The following DNAH14 variants were observed in gnomAD, a reference collection of about 807,000 sequenced individuals.
DNAH14 encodes the protein dynein axonemal heavy chain 14, also known as axonemal beta dynein heavy chain 14.
In DNAH14, 478 loss-of-function variants were observed where a neutral mutation model predicts 520.9. That is an observed-to-expected ratio of 0.92 (90% CI 0.85 to 0.99). DNAH14 has a LOEUF of 0.99. Among genes scored for constraint, DNAH14 ranks in the 50% least tolerant of loss-of-function variants. The pLI is 0.00. For missense variants in DNAH14, 4,831 were observed against 5,234.5 expected, an observed-to-expected ratio of 0.92 and a Z score of 2.38; for synonymous variants, 1,581 against 1,757.2, an observed-to-expected ratio of 0.90 and a Z score of 2.51.
At chr1:225,184,301 G>A (rs1271357987) in intron 36 of DNAH14, among the ~76,000 whole-genome samples, 1 of 149,960 alleles carries the variant, frequency 6.7e-6, no homozygotes, top group East Asian at 2.1e-4. Flanking sequence ...TAATGAATGT[G>A]ATTCACCACA....
intron 30 of DNAH14, among the ~76,000 whole-genome samples, chr1:225,145,731 C>T (rs1324899468): frequency 6.6e-6 from 1 of 152,090 alleles, no homozygotes; most frequent in Non-Finnish European, 1.5e-5. Flanking sequence ...TAAGTCCTAA[C>T]CCCATACATT....
chr1:225,165,315 T>G (rs900119555), intron 35 of DNAH14, among the ~76,000 whole-genome samples: 1 of 152,138 alleles, frequency 6.6e-6, no homozygotes, highest in Non-Finnish European at 1.5e-5. Flanking sequence ...GTTCATAATA[T>G]CACTATAAAT....
At chr1:225,335,563 C>CTATGTATATACGCATATGTGCATA (rs2094961959) in intron 66 of DNAH14, among the ~76,000 whole-genome samples, 1 of 47,582 alleles carries the variant, frequency 2.1e-5, no homozygotes, top group African/African-American at 1.7e-4. Context: ...ATATGTACAT[C>CTATGTATATACGCATATGTGCATA]TATGTATATA....
rs1323706354 is a variant in DNAH14, at chr1:225,147,083, ATC to A, written c.4795-17_4795-16del. The A allele has an allele frequency of 2.1e-6, 3 of 1,457,718 alleles. No homozygotes were observed. The highest frequency in any genetic ancestry group is 5.0e-5 in the East Asian group (2 of 40,216). The allele number at this position is 1,457,718 out of a possible 1,614,324, so 90.3% of individuals were successfully genotyped here. On this transcript the variant is annotated intron_variant, in intron 30 of 85. Transcript: ENST00000682510. ...ACCATTATAATAATTTTAGTAATCA[ATC>A]TCTTTTTTTTTTTAAAAGATAGTGA... is the stretch of plus-strand genomic sequence containing the variant.
intron 8 of DNAH14, among the ~76,000 whole-genome samples, chr1:224,979,341 C>T (rs1490316181): frequency 6.6e-6 from 1 of 152,124 alleles, no homozygotes; most frequent in Non-Finnish European, 1.5e-5. Flanking sequence ...GAGTGCAGTG[C>T]TTGTGGGACT....
In DNAH14 at chr1:225,080,699, A is replaced by G; in HGVS notation, c.3087A>G (p.Val1029=). The G allele has an allele frequency of 6.5e-7, 1 of 1,541,524 alleles. No individual in the cohort carries two copies. The highest frequency in any genetic ancestry group is 8.7e-7 in the Non-Finnish European group (1 of 1,143,176). ...SSLQSIDVES[V]QRNVSKLMHI... ...TTCAAAGTATTGATGTAGAATCAGT[A>G]CAGAGAAATGTTTCAAAACTGATGC... Residue 1029 remains valine, a synonymous_variant, in exon 19 of 86, where the codon GTA becomes GTG. Coordinates refer to ENST00000682510, the MANE Select transcript of DNAH14 (RefSeq NM_001367479.1).
intron 27 of DNAH14, among the ~76,000 whole-genome samples, chr1:225,130,242 A>G (rs1347180461): frequency 6.6e-6 from 1 of 152,194 alleles, no homozygotes; most frequent in African/African-American, 2.4e-5. Context: ...TAGTTCAATC[A>G]TTGTGGAAGT....
At position 225,119,126 on chromosome 1, in the gene DNAH14, G is replaced by A. The variant is rs551613993; in HGVS notation, c.4092-94G>A. ...CCTTTGGCCCATGAATATTATTAAAGTATGTAGAAAATTTAGTCTACAGGC... is the reference window on the plus strand; with the variant it reads ...CCTTTGGCCCATGAATATTATTAAAATATGTAGAAAATTTAGTCTACAGGC... On this transcript the variant is annotated intron_variant, in intron 25 of 85. Coordinates refer to ENST00000682510, the MANE Select transcript of DNAH14 (RefSeq NM_001367479.1). The A allele has an allele frequency of 9.2e-5, 80 of 866,304 alleles. No individual in the cohort carries two copies. The South Asian group carries it at 1.9e-3, about 21-fold the overall frequency. 53.7% of individuals were successfully genotyped at this position (866,304 alleles called of 1,614,324 possible).
In DNAH14 at chr1:225,185,149, C is replaced by T; in HGVS notation, c.5536-142C>T. The T allele has an allele frequency of 3.5e-6, 3 of 859,504 alleles. No individual in the cohort carries two copies. In the East Asian group the frequency reaches 9.9e-5, roughly 28 times the overall value. 53.2% of individuals were successfully genotyped at this position (859,504 alleles called of 1,614,324 possible). A position where few individuals can be genotyped will look rare whatever the true frequency, so the allele number is the denominator to read the frequency against. ...CAGTAGCATTTCTATACACCAATAA[C>T]ATTCATGCTGAGAGCCAAATAAAGA... On this transcript the variant is annotated intron_variant, in intron 36 of 85. Transcript: ENST00000682510.
intron 31 of DNAH14, among the ~76,000 whole-genome samples, chr1:225,148,865 T>G (rs2080212654): frequency 6.6e-6 from 1 of 152,204 alleles, no homozygotes; most frequent in South Asian, 2.1e-4. Flanking sequence ...GATGCATAGT[T>G]TGCAAAAATT....
intron 18 of DNAH14, 28 bp from the exon 19 acceptor site, chr1:225,080,351 C>G (rs2072973941): frequency 6.7e-7 from 1 of 1,491,032 alleles, no homozygotes; most frequent in Non-Finnish European, 8.9e-7. Context: ...ACTGATTTCT[C>G]TTAGAAAGTC....
intron 49 of DNAH14, among the ~76,000 whole-genome samples, chr1:225,268,759 T>A (rs1371452293): frequency 6.6e-6 from 1 of 152,024 alleles, no homozygotes; most frequent in South Asian, 2.1e-4. Flanking sequence ...TACCTAGGAA[T>A]CCAACTTACA....
intron 66 of DNAH14, among the ~76,000 whole-genome samples, chr1:225,336,005 G>GTA (rs2095034927): frequency 1.2e-5 from 1 of 83,256 alleles, no homozygotes; most frequent in Non-Finnish European, 2.4e-5. Flanking sequence ...ATGCATATAT[G>GTA]TATACGCATA....
At chr1:225,057,397 A>G (rs7513524) in intron 17 of DNAH14, among the ~76,000 whole-genome samples, 138,242 of 152,220 alleles carry the variant, frequency 0.91, 64,206 homozygotes, top group East Asian at 1. Flanking sequence ...GGACTTTGCT[A>G]AAGTTGCCTA....
intron 8 of DNAH14, among the ~76,000 whole-genome samples, chr1:224,988,891 C>G (rs928609652): frequency 1.3e-5 from 2 of 152,146 alleles, no homozygotes; most frequent in African/African-American, 4.8e-5. Context: ...TCTGCCTCAG[C>G]CTTCCATTAA....
chr1:225,173,591 A>G (rs2082957489), intron 36 of DNAH14, among the ~76,000 whole-genome samples: 1 of 152,228 alleles, frequency 6.6e-6, no homozygotes, highest in Non-Finnish European at 1.5e-5. Flanking sequence ...AATGGTGATC[A>G]TCAAAAAGTC....
chr1:225,017,598 G>A (rs2065317027), intron 10 of DNAH14, among the ~76,000 whole-genome samples: 1 of 152,198 alleles, frequency 6.6e-6, no homozygotes, highest in South Asian at 2.1e-4. Context: ...CCAGAGCATG[G>A]TCACTAAGGA....
rs1444717658 is a variant in DNAH14, at chr1:225,399,106, C to T, written c.13691C>T (p.Ala4564Val). Residue 4564 changes from alanine to valine, a missense_variant, in exon 86 of 86, where the codon GCT (alanine) becomes GTT (valine). By Grantham distance (64) the Ala-to-Val change is moderately conservative. Coordinates refer to ENST00000682510, the MANE Select transcript of DNAH14 (RefSeq NM_001367479.1). The part of the protein sequence containing the change: ...ASNQTDSELY[A>V]FECPVYQTPE... The stretch of plus-strand genomic sequence containing the variant: ...AACCAGACAGATTCAGAACTCTATG[C>T]TTTTGAATGCCCAGTTTACCAGACA... 2.6e-6 allele frequency: 4 copies of T among 1,551,718 alleles called. No homozygotes were observed. The African/African-American group carries it at 5.5e-5, about 21-fold the overall frequency.
intron 11 of DNAH14, among the ~76,000 whole-genome samples, chr1:225,029,411 GA>G (rs760147626): frequency 1.3e-4 from 20 of 151,974 alleles, no homozygotes; most frequent in Non-Finnish European, 2.6e-4. Context: ...TGAGAAGCAT[GA>G]ATTTTACTGG....
Sources: allele counts gnomAD v4.1 joint callset (sites outside exome capture counted in the v4.1 genomes callset), GRCh38; gene constraint gnomAD v4.1.1; transcripts MANE v1.5; gene names NCBI Gene and HGNC (gene_info 2026-07-23, HGNC 2026-07-21).